The following MYCBP2 variants were observed in gnomAD, a reference collection of about 807,000 sequenced individuals.
The protein encoded by MYCBP2 is E3 ubiquitin-protein ligase MYCBP2.
A neutral mutation model predicts 525.3 loss-of-function variants in MYCBP2; 120 were observed. The ratio of observed to expected loss-of-function variants is 0.23; its 90% CI spans 0.20 to 0.27. The LOEUF is 0.27. MYCBP2 is among the 10% of genes least tolerant of loss of function. The probability of loss-of-function intolerance (pLI) is 1.00; values close to 1 mark genes in which losing one functional copy is unlikely to be tolerated. For synonymous variants in MYCBP2, 1,894 were observed against 1,955.8 expected (o/e 0.97, Z 0.83); for missense variants, 4,149 against 5,657.1 (o/e 0.73, Z 8.55).
At chr13:77,232,918 A>G (rs1394999976) in intron 18 of MYCBP2, among the ~76,000 whole-genome samples, 2 of 152,252 alleles carry the variant, frequency 1.3e-5, no homozygotes, top group Non-Finnish European at 2.9e-5. Flanking sequence ...AGAAATGGAC[A>G]AGGAAAAGAT....
intron 33 of MYCBP2, 47 bp from the exon 34 acceptor site, chr13:77,180,365 C>A: frequency 1.3e-6 from 2 of 1,509,586 alleles, no homozygotes; most frequent in Non-Finnish European, 1.8e-6. Flanking sequence ...TATTTTCCTT[C>A]ATAGGAGTAC....
At chr13:77,323,113 A>G (rs2081891606) in intron 1 of MYCBP2, among the ~76,000 whole-genome samples, 1 of 152,240 alleles carries the variant, frequency 6.6e-6, no homozygotes, top group Admixed American at 6.5e-5. Flanking sequence ...AATCTACAAA[A>G]CAATTCATGT....
chr13:77,129,040 T>TC (rs909548350), intron 52 of MYCBP2: 3 of 390,950 alleles, frequency 7.7e-6, no homozygotes, highest in African/African-American at 4.1e-5. Context: ...TTCATATAGA[T>TC]CTTTTTTTGG....
At chr13:77,093,381 C>G in intron 58 of MYCBP2, 49 bp from the exon 59 acceptor site, 1 of 1,512,338 alleles carries the variant, frequency 6.6e-7, no homozygotes, top group Non-Finnish European at 9.1e-7. Flanking sequence ...CAATACAGAT[C>G]CTCTCCATTT....
At chr13:77,071,300 C>CACAA (rs2041227706) in intron 68 of MYCBP2, among the ~76,000 whole-genome samples, 1 of 151,930 alleles carries the variant, frequency 6.6e-6, no homozygotes, top group South Asian at 2.1e-4. Context: ...CACACACACA[C>CACAA]ACACACACAA....
chr13:77,154,454 A>G (rs574656857), intron 46 of MYCBP2, among the ~76,000 whole-genome samples: 1 of 152,152 alleles, frequency 6.6e-6, no homozygotes, highest in East Asian at 1.9e-4. Flanking sequence ...TTAAAAAAAG[A>G]ACTCTAAGAT....
At chr13:77,297,973 C>T (rs1179652132) in intron 1 of MYCBP2, among the ~76,000 whole-genome samples, 1 of 152,190 alleles carries the variant, frequency 6.6e-6, no homozygotes, top group Non-Finnish European at 1.5e-5. Context: ...GAACCTAACT[C>T]AACTTTTAAA....
intron 20 of MYCBP2, among the ~76,000 whole-genome samples, chr13:77,221,902 A>C (rs939524041): frequency 4.6e-5 from 7 of 152,182 alleles, no homozygotes; most frequent in Non-Finnish European, 1.0e-4. Flanking sequence ...GTATTTGTAC[A>C]TAAACTACAC....
At position 77,134,758 on chromosome 13, in the gene MYCBP2, T is replaced by C. The variant is rs558186637; in HGVS notation, c.7659+4438A>G. On this transcript the variant is annotated intron_variant, in intron 52 of 82. Transcript: ENST00000544440. ...TGAATGTCTAATGTTATTTTGTCTC[T>C]CAACTAGAGCATTACTAAAAACAGT... Among the ~76,000 whole-genome samples, 27 of 152,290 alleles carry C rather than the reference T, an allele frequency of 1.8e-4. 1 individual carries two copies. Among genetic ancestry groups the C allele is most frequent in the Admixed American group, 2.0e-4 (3 of 15,292 alleles).
chr13:77,282,456 A>G (rs1443624711), intron 3 of MYCBP2, among the ~76,000 whole-genome samples: 2 of 151,764 alleles, frequency 1.3e-5, no homozygotes, highest in Non-Finnish European at 2.9e-5. Context: ...GAAGTTTCTG[A>G]GTTCCTTGCC....
chr13:77,325,578 A>G (rs1426815411), intron 1 of MYCBP2, among the ~76,000 whole-genome samples: 1 of 152,214 alleles, frequency 6.6e-6, no homozygotes, highest in Non-Finnish European at 1.5e-5. Context: ...AGTAAAAGAG[A>G]CAAATCTACG....
chr13:77,248,063 G>A (rs1480549537), intron 15 of MYCBP2, among the ~76,000 whole-genome samples: 1 of 150,582 alleles, frequency 6.6e-6, no homozygotes, highest in African/African-American at 2.4e-5. Context: ...AATGGGTGCA[G>A]CACACCAACA....
intron 27 of MYCBP2, 93 bp downstream of exon 27, chr13:77,194,059 TA>T (rs2061530199): frequency 1.3e-6 from 1 of 741,588 alleles, no homozygotes; most frequent in Admixed American, 2.7e-5. Context: ...ATAGCAGATT[TA>T]AAACTTCCTT....
At chr13:77,198,305 T>A (rs1274130393) in intron 26 of MYCBP2, among the ~76,000 whole-genome samples, 1 of 152,370 alleles carries the variant, frequency 6.6e-6, no homozygotes, top group East Asian at 1.9e-4. Flanking sequence ...CATTATCTGC[T>A]TTTTTAGCAT....
chr13:77,055,856 G>A (rs1017306048), intron 79 of MYCBP2, 89 bp from the exon 80 acceptor site: 3 of 862,550 alleles, frequency 3.5e-6, no homozygotes, highest in Admixed American at 4.8e-5. Context: ...CAAGCATTGT[G>A]CTAGAAGATA....
chr13:77,240,895 T>A (rs1462530927), intron 17 of MYCBP2, among the ~76,000 whole-genome samples: 5 of 152,106 alleles, frequency 3.3e-5, no homozygotes, highest in African/African-American at 1.2e-4. Context: ...TGAAGGAGGG[T>A]GATCTAAGAA....
At chr13:77,060,315 A>G (rs536197193) in intron 76 of MYCBP2, among the ~76,000 whole-genome samples, 1 of 151,224 alleles carries the variant, frequency 6.6e-6, no homozygotes, top group South Asian at 2.1e-4. Flanking sequence ...GATGGTTTAC[A>G]AGGATGGTTT....
At chr13:77,278,699 A>T in intron 4 of MYCBP2, 59 bp downstream of exon 4, 2 of 1,345,896 alleles carry the variant, frequency 1.5e-6, no homozygotes, top group Non-Finnish European at 1.9e-6. Context: ...AGTGTACAAT[A>T]CTCTATTATT....
intron 21 of MYCBP2, among the ~76,000 whole-genome samples, chr13:77,215,235 G>A (rs915667702): frequency 5.3e-5 from 8 of 152,052 alleles, no homozygotes; most frequent in Non-Finnish European, 1.2e-4. Flanking sequence ...TGAAACAAAT[G>A]AGCCCCACTC....
Sources: allele counts gnomAD v4.1 joint callset (sites outside exome capture counted in the v4.1 genomes callset), GRCh38; gene constraint gnomAD v4.1.1; transcripts MANE v1.5; gene names NCBI Gene and HGNC (gene_info 2026-07-23, HGNC 2026-07-21).